Variants in CPAMD8 observed in about 807,000 individuals in gnomAD.
CPAMD8 encodes C3 and PZP like alpha-2-macroglobulin domain containing 8.
Under a neutral mutation model 224.7 loss-of-function variants are expected in CPAMD8, and 146 were observed. The ratio of observed to expected loss-of-function variants is 0.65; its 90% CI spans 0.57 to 0.75. The LOEUF (loss-of-function observed/expected upper bound fraction) is 0.75, where lower values mean the gene tolerates loss of function less well. CPAMD8 is among the 30% of genes least tolerant of loss of function. CPAMD8 has a pLI of 0.00. For synonymous variants in CPAMD8, 966 were observed against 1,044.6 expected, an observed-to-expected ratio of 0.92 and a Z score of 1.45; for missense variants, 2,301 against 2,537.5, an observed-to-expected ratio of 0.91 and a Z score of 2.00.
chr19:16,941,226 C>T (rs575158807), intron 22 of CPAMD8, among the ~76,000 whole-genome samples: 1 of 152,320 alleles, frequency 6.6e-6, no homozygotes, highest in East Asian at 1.9e-4. Flanking sequence ...AGCCACTGTG[C>T]CTGGCCTCAT....
At chr19:16,958,508 A>T (rs2054545633) in intron 18 of CPAMD8, among the ~76,000 whole-genome samples, 1 of 152,110 alleles carries the variant, frequency 6.6e-6, no homozygotes, top group Admixed American at 6.5e-5. Flanking sequence ...CATTTTATTT[A>T]TCCAATCTGT....
intron 21 of CPAMD8, among the ~76,000 whole-genome samples, chr19:16,946,565 TTG>T (rs370917257): frequency 4.6e-4 from 67 of 144,998 alleles, no homozygotes; most frequent in African/African-American, 1.2e-3. Context: ...GTGTGTGGAT[TTG>T]TGTGTGTGTA....
In CPAMD8 at chr19:16,897,763, T is replaced by C. The variant is rs1194778864; in HGVS notation, c.4993A>G (p.Ser1665Gly). ...GCGCACAGTTCCCGGGCGAGTGGGC[T>C]GTGGGTGCTGACGTTGTAGAAGCGA... ...ATRFYNVSTH[S>G]PLARELCAGP... Residue 1665 changes from serine to glycine, a missense_variant, in exon 39 of 42, where the codon AGC becomes GGC. Coordinates refer to ENST00000443236, the MANE Select transcript of CPAMD8 (RefSeq NM_015692.5). The C allele has an allele frequency of 1.3e-6, 2 of 1,585,092 alleles. No homozygotes were observed. The highest frequency in any genetic ancestry group is 1.8e-5 in the Admixed American group (1 of 54,440).
chr19:16,959,482 C>T (rs2054580703), intron 18 of CPAMD8, among the ~76,000 whole-genome samples: 1 of 151,794 alleles, frequency 6.6e-6, no homozygotes. Context: ...GCCTGATTTG[C>T]ATTTCTCTAG....
chr19:16,911,782 T>C (rs1266014254), intron 29 of CPAMD8, among the ~76,000 whole-genome samples: 2 of 152,020 alleles, frequency 1.3e-5, no homozygotes, highest in Non-Finnish European at 2.9e-5. Context: ...CCTGACCTTG[T>C]GATCCACCGC....
rs927117473 is a variant in CPAMD8 at position 16,902,561 on chromosome 19, C to T, written c.4685+88G>A. The T allele has an allele frequency of 3.0e-5, 23 of 759,076 alleles. No homozygotes were observed. In the Middle Eastern group the frequency reaches 1.1e-3, roughly 37 times the overall value. 47.0% of individuals were successfully genotyped at this position (759,076 alleles called of 1,614,324 possible). ...AAAACCACCACTGAGTGCCTGGAGC[C>T]GGAAGCTCCTCCTGGTCCCAGGAGG... is the stretch of plus-strand genomic sequence containing the variant. On this transcript the variant is annotated intron_variant, in intron 35 of 41. Coordinates refer to ENST00000443236, the MANE Select transcript of CPAMD8 (RefSeq NM_015692.5).
chr19:16,932,888 C>G (rs1428162268), intron 23 of CPAMD8, among the ~76,000 whole-genome samples: 1 of 152,206 alleles, frequency 6.6e-6, no homozygotes, highest in East Asian at 1.9e-4. Flanking sequence ...TTCTCCACAG[C>G]ACATTATGGT....
intron 15 of CPAMD8, 75 bp downstream of exon 15, chr19:16,977,293 G>T: frequency 1.1e-6 from 1 of 929,068 alleles, no homozygotes; most frequent in South Asian, 1.4e-5. Context: ...GGTGTGCACA[G>T]ACCCCCTGGC....
At chr19:17,019,274 C>T (rs565838509) in intron 3 of CPAMD8, among the ~76,000 whole-genome samples, 1 of 152,006 alleles carries the variant, frequency 6.6e-6, no homozygotes, top group African/African-American at 2.4e-5. Context: ...AGGTGTGCGC[C>T]ACCATGCCCA....
At position 16,928,079 on chromosome 19, in the gene CPAMD8, G is replaced by A. The variant is rs372651094; in HGVS notation, c.3300C>T (p.Ser1100=). The change falls in exon 25 of 42, where the codon AGC becomes AGT. Residue 1100 remains serine (S), a synonymous_variant. Transcript: ENST00000443236. The part of the protein sequence containing the change: ...WRKMEVDESY[S]EAFTLGVPHG... The stretch of plus-strand genomic sequence containing the variant: ...GTGGGACCCCCAGGGTGAAGGCCTC[G>A]CTGTAGCTCTCGTCCACCTCCATCT... 1.1e-4 allele frequency: 181 copies of A among 1,613,968 alleles called. No homozygotes were observed. Among genetic ancestry groups the A allele is most frequent in the African/African-American group, 5.7e-4 (43 of 75,064 alleles).
intron 12 of CPAMD8, among the ~76,000 whole-genome samples, 197 bp from the exon 13 acceptor site, chr19:16,989,968 C>T (rs749525125): frequency 6.6e-6 from 1 of 152,116 alleles, no homozygotes; most frequent in Non-Finnish European, 1.5e-5. Context: ...AAGCAAGTGT[C>T]CAGCTGGGCA....
chr19:16,970,597 CA>C (rs957695588), intron 18 of CPAMD8, among the ~76,000 whole-genome samples: 156 of 138,436 alleles, frequency 1.1e-3, no homozygotes, highest in Admixed American at 1.7e-3. Flanking sequence ...GACTCCATCT[CA>C]AAAAAAAAAA....
In CPAMD8 at chr19:17,022,265, G is replaced by A. The variant is rs995236911; in HGVS notation, c.93-84C>T. 4.3e-5 allele frequency: 63 copies of A among 1,464,906 alleles called. No homozygotes were observed. The Middle Eastern group carries it at 7.7e-4, about 18-fold the overall frequency. The allele number at this position is 1,464,906 out of a possible 1,614,324, so 90.7% of individuals were successfully genotyped here. On this transcript the variant is annotated intron_variant, in intron 1 of 41. Transcript: ENST00000443236. ...CCACAGCTAGGTCAGGGCTCTCCTC[G>A]CAGCAGACTCCTGCCTTTTGCTGAC... is the stretch of plus-strand genomic sequence containing the variant.
intron 12 of CPAMD8, 40 bp downstream of exon 12, chr19:16,993,376 C>A (rs911868430): frequency 3.1e-5 from 49 of 1,582,968 alleles, no homozygotes; most frequent in Non-Finnish European, 4.1e-5. Flanking sequence ...CAAGTCCATA[C>A]CTGCTGGCTG....
At chr19:16,901,067 G>A in intron 36 of CPAMD8, 143 bp downstream of exon 36, 1 of 587,796 alleles carries the variant, frequency 1.7e-6, no homozygotes, top group Non-Finnish European at 3.0e-6. Flanking sequence ...GGGGAAGGGG[G>A]AGGGGGAGAG....
chr19:16,982,979 A>C (rs1481409256), intron 13 of CPAMD8, among the ~76,000 whole-genome samples: 2 of 152,140 alleles, frequency 1.3e-5, no homozygotes, highest in African/African-American at 4.8e-5. Flanking sequence ...GAGATCTGAT[A>C]ATTTTATAAG....
chr19:16,947,027 T>C (rs760475587), intron 21 of CPAMD8, 47 bp downstream of exon 21: 7 of 1,542,368 alleles, frequency 4.5e-6, no homozygotes, highest in Non-Finnish European at 2.6e-6. Context: ...CAGGACACTT[T>C]TGTGGCCTGG....
At chr19:17,004,679 G>A (rs994042197) in intron 7 of CPAMD8, among the ~76,000 whole-genome samples, 4 of 152,184 alleles carry the variant, frequency 2.6e-5, no homozygotes, top group South Asian at 2.1e-4. Context: ...CTGGACAAAC[G>A]AGGGAAATGA....
intron 2 of CPAMD8, among the ~76,000 whole-genome samples, chr19:17,021,277 A>G (rs933815253): frequency 3.3e-5 from 5 of 152,134 alleles, no homozygotes; most frequent in East Asian, 1.9e-4. Context: ...GCAGAAGCCA[A>G]CTGGGTTGGG....
Sources: allele counts gnomAD v4.1 joint callset (sites outside exome capture counted in the v4.1 genomes callset), GRCh38; gene constraint gnomAD v4.1.1; transcripts MANE v1.5; gene names NCBI Gene and HGNC (gene_info 2026-07-23, HGNC 2026-07-21).